The following MILR1 variants were observed in gnomAD, a reference collection of about 807,000 sequenced individuals.
The protein encoded by MILR1 is mast cell immunoglobulin like receptor 1.
Under a neutral mutation model 18.5 loss-of-function variants are expected in MILR1, and 31 were observed. The observed-to-expected ratio is 1.68, with a 90% CI of 1.26 to 2.26. The LOEUF (loss-of-function observed/expected upper bound fraction) is 2.26. Ranked by LOEUF, MILR1 falls within the 30% of genes most tolerant of loss-of-function variation. MILR1 has a pLI of 0.00. For missense variants in MILR1, 257 were observed against 157.4 expected (o/e 1.63, Z -3.38); for synonymous variants, 85 against 56.2 (o/e 1.51, Z -2.30).
At chr17:64,497,283 G>A in the MILR1 span, among the ~76,000 whole-genome samples, 37 of 152,352 alleles carry the variant, frequency 2.4e-4, no homozygotes, top group Non-Finnish European at 4.4e-4. Flanking sequence ...TAACCGTGGT[G>A]TAGCCACTTG....
the MILR1 span, among the ~76,000 whole-genome samples, chr17:64,494,886 T>C: frequency 1.3e-5 from 2 of 152,272 alleles, no homozygotes; most frequent in South Asian, 4.1e-4. Context: ...GAAACCAAGA[T>C]CTGGAGGCCG....
the MILR1 span, among the ~76,000 whole-genome samples, chr17:64,480,967 TAA>T: frequency 2.0e-5 from 3 of 152,322 alleles, no homozygotes; most frequent in East Asian, 5.8e-4. Context: ...AATGACACAG[TAA>T]ACTTAACTGT....
At chr17:64,497,032 C>A in the MILR1 span, 1 of 1,494,794 alleles carries the variant, frequency 6.7e-7, no homozygotes, top group Non-Finnish European at 9.2e-7. Flanking sequence ...GCCACCACTA[C>A]CGTTAACAGA....
In MILR1 at chr17:64,449,267, C is replaced by A; in HGVS notation, c.55+44C>A. The A allele has an allele frequency of 4.2e-6, 2 of 473,310 alleles. 1 individual carries two copies. The highest frequency in any genetic ancestry group is 6.2e-5 in the East Asian group (2 of 32,024). 29.3% of individuals were successfully genotyped at this position (473,310 alleles called of 1,614,324 possible). On this transcript the variant is annotated intron_variant, in intron 1 of 9. Coordinates refer to ENST00000619286, the MANE Select transcript of MILR1 (RefSeq NM_001085423.2). Reference sequence around the variant, plus strand: ...TCTGAGGCTCGAACCTCCAAGCCAACGTGTCATGTGGAAAGTGAGCTTTAT... The same window carrying A: ...TCTGAGGCTCGAACCTCCAAGCCAAAGTGTCATGTGGAAAGTGAGCTTTAT...
intron 5 of MILR1, among the ~76,000 whole-genome samples, chr17:64,463,845 G>A (rs62073199): frequency 4.6e-5 from 6 of 131,442 alleles, no homozygotes; most frequent in South Asian, 4.8e-4. Flanking sequence ...TTTTTTTGAG[G>A]CAGAGTCTCG....
chr17:64,456,702 T>C (rs1340927677), intron 3 of MILR1, among the ~76,000 whole-genome samples: 2 of 152,160 alleles, frequency 1.3e-5, no homozygotes, highest in Non-Finnish European at 2.9e-5. Context: ...CTACAGAGGC[T>C]GAGGCAGGAG....
Position 64,456,666 on chromosome 17 carries a change from C to T in MILR1, c.368-734C>T, listed in dbSNP as rs1037597530. Reference sequence around the variant, plus strand: ...TCTCTACAAAACATTTAAAAATTAGCCAGCAGTGTGCACCTGTAGTCCCAG... The same window carrying T: ...TCTCTACAAAACATTTAAAAATTAGTCAGCAGTGTGCACCTGTAGTCCCAG... On this transcript the variant is annotated intron_variant, in intron 3 of 9. Coordinates refer to ENST00000619286, the MANE Select transcript of MILR1 (RefSeq NM_001085423.2). Among the ~76,000 whole-genome samples, 9 of 152,012 alleles carry T rather than the reference C, an allele frequency of 5.9e-5. No individual in the cohort carries two copies. In the South Asian group the frequency reaches 1.7e-3, roughly 28 times the overall value.
At chr17:64,490,772 A>G in the MILR1 span, 2 of 1,588,168 alleles carry the variant, frequency 1.3e-6, no homozygotes, top group Non-Finnish European at 1.7e-6. Flanking sequence ...TAAAAAATAC[A>G]TAGGAGCTCC....
chr17:64,466,750 G>A (rs373769630), intron 8 of MILR1, 88 bp downstream of exon 8: 101 of 1,103,866 alleles, frequency 9.1e-5, no homozygotes, highest in African/African-American at 7.6e-4. Context: ...TCAGGAGCCC[G>A]TTAATGGGGT....
At chr17:64,485,877 A>G in the MILR1 span, 1 of 1,613,796 alleles carries the variant, frequency 6.2e-7, no homozygotes, top group Non-Finnish European at 8.5e-7. Context: ...CCCTTCACAG[A>G]AAAACAGAAG....
chr17:64,463,895 C>T (rs1407473074), intron 5 of MILR1, among the ~76,000 whole-genome samples: 1 of 149,886 alleles, frequency 6.7e-6, no homozygotes. Flanking sequence ...ACAATCTCCG[C>T]TCACTGCAAC....
chr17:64,473,041 G>A (rs1267460619), downstream of MILR1, among the ~76,000 whole-genome samples: 5 of 152,078 alleles, frequency 3.3e-5, no homozygotes, highest in African/African-American at 9.7e-5. Flanking sequence ...CAGGGATGGG[G>A]GATTACAACT....
the MILR1 span, among the ~76,000 whole-genome samples, chr17:64,489,313 T>C: frequency 1.0e-4 from 15 of 148,122 alleles, no homozygotes; most frequent in Non-Finnish European, 2.1e-4. Flanking sequence ...CTCTACAGTA[T>C]ATTGCTGACC....
At chr17:64,465,308 T>C (rs2037528865) in intron 5 of MILR1, 144 bp from the exon 6 acceptor site, 5 of 629,786 alleles carry the variant, frequency 7.9e-6, no homozygotes, top group Non-Finnish European at 1.4e-5. Flanking sequence ...GTCTATAGTT[T>C]TCCTTTGTTA....
chr17:64,462,254 A>G (rs1180439316), intron 5 of MILR1, among the ~76,000 whole-genome samples: 3 of 151,486 alleles, frequency 2.0e-5, no homozygotes, highest in Non-Finnish European at 2.9e-5. Flanking sequence ...GGTCTCGAAC[A>G]CTTGGGCTCA....
chr17:64,474,816 A>C, the MILR1 span, among the ~76,000 whole-genome samples: 2 of 152,184 alleles, frequency 1.3e-5, no homozygotes, highest in Admixed American at 6.6e-5. Context: ...TCCAATAAAA[A>C]AAACCCCAGA....
chr17:64,462,496 A>C (rs1214877913), intron 5 of MILR1, among the ~76,000 whole-genome samples: 1 of 152,196 alleles, frequency 6.6e-6, no homozygotes, highest in Non-Finnish European at 1.5e-5. Flanking sequence ...GGTTCAGTGC[A>C]TGAGGACAAA....
intron 1 of MILR1, 27 bp from the exon 2 acceptor site, chr17:64,449,287 C>T (rs1432255095): frequency 1.5e-5 from 7 of 473,376 alleles, no homozygotes; most frequent in African/African-American, 4.0e-5. Flanking sequence ...GGAAAGTGAG[C>T]TTTATCGTGT....
At chr17:64,454,687 A>T (rs1306493732) in intron 3 of MILR1, among the ~76,000 whole-genome samples, 1 of 152,142 alleles carries the variant, frequency 6.6e-6, no homozygotes, top group Admixed American at 6.6e-5. Context: ...AATGCTACGG[A>T]CTCCAGGTTA....
Sources: allele counts gnomAD v4.1 joint callset (sites outside exome capture counted in the v4.1 genomes callset), GRCh38; gene constraint gnomAD v4.1.1; transcripts MANE v1.5; gene names NCBI Gene and HGNC (gene_info 2026-07-23, HGNC 2026-07-21).